The following PPCS variants were observed in gnomAD, a reference collection of about 807,000 sequenced individuals.
PPCS encodes the protein phosphopantothenate--cysteine ligase.
In PPCS, 17 loss-of-function variants were observed where a neutral mutation model predicts 24.6. The ratio of observed to expected loss-of-function variants is 0.69; its 90% CI spans 0.47 to 1.04. PPCS has a LOEUF of 1.04. Ranked by LOEUF, PPCS falls within the 50% of genes least tolerant of loss-of-function variation. The probability of loss-of-function intolerance (pLI) is 0.00; values close to 1 mark genes in which losing one functional copy is unlikely to be tolerated. For synonymous variants in PPCS, 190 were observed against 168.3 expected, an observed-to-expected ratio of 1.13 and a Z score of -1.00; for missense variants, 360 against 402.8, an observed-to-expected ratio of 0.89 and a Z score of 0.91.
rs115071671 is a variant in PPCS, at chr1:42,470,405, A to G, written n.378-2717A>G. Among the ~76,000 whole-genome samples, 1,067 of 152,250 alleles carry G rather than the reference A, an allele frequency of 7.0e-3. 16 individuals are homozygous for G. Among genetic ancestry groups the G allele is most frequent in the African/African-American group, 0.024 (1,006 of 41,538 alleles). On this transcript the variant is annotated intron_variant and non_coding_transcript_variant, in intron 2 of 2. Coordinates refer to the PPCS transcript ENST00000471420. ...CAGCTGCAGTAGAAGACAGTAGGAC[A>G]GTTCCTCAAAAAAAAAGTTAAACAT...
Position 42,456,707 on chromosome 1 carries a change from C to T in PPCS, c.142C>T (p.Pro48Ser), listed in dbSNP as rs759613941. The T allele has an allele frequency of 6.2e-7, 1 of 1,608,486 alleles. No individual in the cohort carries two copies. The highest frequency in any genetic ancestry group is 8.5e-7 in the Non-Finnish European group (1 of 1,179,194). ...VLVTSGGTKV[P>S]LEARPVRFLD... ...GGTTACGTCAGGCGGCACCAAGGTCCCACTGGAAGCGCGGCCGGTGCGCTT... is the reference window on the plus strand; with the variant it reads ...GGTTACGTCAGGCGGCACCAAGGTCTCACTGGAAGCGCGGCCGGTGCGCTT... Residue 48 changes from proline to serine, a missense_variant, in exon 1 of 3, where the codon CCA becomes TCA. Pro to Ser is a moderately conservative substitution (Grantham distance 74). Coordinates refer to ENST00000372561, the MANE Select transcript of PPCS (RefSeq NM_024664.4).
chr1:42,466,454 G>T (rs1328697528), intron 2 of PPCS, among the ~76,000 whole-genome samples: 1 of 152,136 alleles, frequency 6.6e-6, no homozygotes, highest in Non-Finnish European at 1.5e-5. Flanking sequence ...CCTACTTCAG[G>T]ATGCACTTCT....
rs1209697821 is a variant in PPCS, at chr1:42,459,878, G to A, written c.888G>A (p.Val296=). The A allele has an allele frequency of 6.2e-7, 1 of 1,613,682 alleles. No homozygotes were observed. The highest frequency in any genetic ancestry group is 8.5e-7 in the Non-Finnish European group (1 of 1,179,770). The stretch of plus-strand genomic sequence containing the variant: ...GCGTAGAGATAGAAGAGAAGATAGT[G>A]GATAATCTTCAGTCTCGACACACAG... The part of the protein sequence containing the change: ...EKGVEIEEKI[V]DNLQSRHTAF... The change falls in exon 3 of 3, where the codon GTG becomes GTA. Residue 296 remains valine (V), a synonymous_variant. Coordinates refer to ENST00000372561, the MANE Select transcript of PPCS (RefSeq NM_024664.4).
In PPCS at chr1:42,456,624, C is replaced by T. The variant is rs1449956683; in HGVS notation, c.59C>T (p.Ala20Val). 2 of 1,577,446 alleles carry T rather than the reference C, an allele frequency of 1.3e-6. No homozygotes were observed. The highest frequency in any genetic ancestry group is 1.7e-6 in the Non-Finnish European group (2 of 1,163,956). The change falls in exon 1 of 3, where the codon GCT (alanine) becomes GTT (valine). Residue 20 changes from alanine to valine, a missense_variant. This residue lies in a region of PPCS where 244 missense variants were observed against 234.7 expected (regional missense o/e 1.04). Coordinates refer to ENST00000372561, the MANE Select transcript of PPCS (RefSeq NM_024664.4). Reference protein sequence around the residue: ...FPQPPGAARWAEVMARFAARL... With the variant: ...FPQPPGAARWVEVMARFAARL... ...CAGCCTCCCGGTGCTGCGCGCTGGG[C>T]TGAGGTTATGGCTCGCTTCGCGGCC...
chr1:42,466,505 C>T (rs1400201544), intron 2 of PPCS, among the ~76,000 whole-genome samples: 2 of 151,714 alleles, frequency 1.3e-5, no homozygotes, highest in African/African-American at 2.4e-5. Flanking sequence ...TGAGCATTTA[C>T]TTAGTATCTA....
chr1:42,457,130 C>T lies in PPCS; in HGVS notation c.508+57C>T. On this transcript the variant is annotated intron_variant, in intron 1 of 2. Coordinates refer to ENST00000372561, the MANE Select transcript of PPCS (RefSeq NM_024664.4). ...GAAGCACAGCCTTTCTTTCCAGCCA[C>T]TTATCCCCTTACCTCCTGCTTACCC... 5 of 1,581,426 alleles carry T rather than the reference C, an allele frequency of 3.2e-6. No individual in the cohort carries two copies. The South Asian group carries it at 4.7e-5, about 15-fold the overall frequency.
exon 3 of PPCS, chr1:42,473,289 G>C: frequency 8.1e-7 from 1 of 1,230,858 alleles, no homozygotes; most frequent in Admixed American, 4.2e-5. Flanking sequence ...GAAGCACATG[G>C]GTGAAACAAA....
chr1:42,461,850 G>A (rs560400489), downstream of PPCS, among the ~76,000 whole-genome samples: 1 of 152,224 alleles, frequency 6.6e-6, no homozygotes, highest in East Asian at 1.9e-4. Flanking sequence ...CAGCCACCCA[G>A]GCTCCTTTGA....
chr1:42,463,610 T>G (rs1238649129), downstream of PPCS: 1 of 152,202 alleles, frequency 6.6e-6, no homozygotes, highest in Non-Finnish European at 1.5e-5. Flanking sequence ...GCATTTAGTA[T>G]TAGGCTGCCG....
At chr1:42,457,119 C>T (rs1372387895) in intron 1 of PPCS, 46 bp downstream of exon 1, 1 of 1,575,966 alleles carries the variant, frequency 6.3e-7, no homozygotes, top group Non-Finnish European at 8.6e-7. Flanking sequence ...CACAGCCTTT[C>T]TTTCCAGCCA....
chr1:42,462,257 G>A, downstream of PPCS, among the ~76,000 whole-genome samples: 1 of 152,046 alleles, frequency 6.6e-6, no homozygotes, highest in Non-Finnish European at 1.5e-5. Flanking sequence ...AATAGCAAAT[G>A]GAAGTGTATA....
rs1162713799 is a variant in PPCS at position 42,456,961 on chromosome 1, G to A, written c.396G>A (p.Leu132=). ...ENALPGFAEA[L]RSYQEAAAAG... is the part of the protein sequence containing the mutation. ...CACTTCCGGGTTTTGCTGAGGCTCT[G>A]AGGAGCTACCAGGAGGCTGCGGCTG... Residue 132 remains leucine (L), a synonymous_variant, in exon 1 of 3, where the codon CTG becomes CTA. Transcript: ENST00000372561. 3 of 1,604,648 alleles carry A rather than the reference G, an allele frequency of 1.9e-6. No individual in the cohort carries two copies. In the East Asian group the frequency reaches 6.7e-5, roughly 36 times the overall value.
chr1:42,459,686 G>A lies in PPCS; in HGVS notation c.696G>A (p.Leu232=), dbSNP rs756199633. 22 of 1,614,094 alleles carry A rather than the reference G, an allele frequency of 1.4e-5. No homozygotes were observed. Among genetic ancestry groups the A allele is most frequent in the Non-Finnish European group, 1.9e-5 (22 of 1,180,022 alleles). The change falls in exon 3 of 3, where the codon TTG becomes TTA. Residue 232 remains leucine (L), a synonymous_variant. Coordinates refer to ENST00000372561, the MANE Select transcript of PPCS (RefSeq NM_024664.4). ...APKAFIISFK[L]ETDPAIVINR... ...AAGCATTTATAATTTCCTTTAAGTT[G>A]GAGACTGACCCCGCCATTGTAATTA... is the stretch of plus-strand genomic sequence containing the variant.
downstream of PPCS, among the ~76,000 whole-genome samples, chr1:42,462,558 G>GA (rs1643440019): frequency 6.6e-6 from 1 of 152,186 alleles, no homozygotes; most frequent in African/African-American, 2.4e-5. Context: ...GTAAGACCAA[G>GA]AAATGTTGTG....
At chr1:42,466,193 G>T (rs1307198477), downstream of PPCS, among the ~76,000 whole-genome samples, 1 of 152,188 alleles carries the variant, frequency 6.6e-6, no homozygotes, top group Non-Finnish European at 1.5e-5. Context: ...TTGTGGCTGT[G>T]CTATGTACTT....
chr1:42,465,291 A>G (rs1228557520), downstream of PPCS, among the ~76,000 whole-genome samples: 1 of 152,200 alleles, frequency 6.6e-6, no homozygotes, highest in Non-Finnish European at 1.5e-5. Flanking sequence ...AACCTGGGCT[A>G]CAGAGTGAGA....
downstream of PPCS, among the ~76,000 whole-genome samples, chr1:42,465,358 T>TTTTTGTTTTG (rs201302325): frequency 6.6e-6 from 1 of 150,384 alleles, no homozygotes; most frequent in Non-Finnish European, 1.5e-5. Context: ...TTTGTTTTTG[T>TTTTTGTTTTG]TTTTGTTTTG....
At chr1:42,462,125 CAG>C (rs1489945318), downstream of PPCS, among the ~76,000 whole-genome samples, 1 of 141,948 alleles carries the variant, frequency 7.0e-6, no homozygotes. Context: ...TAAAAACAAT[CAG>C]TGTTCTACAT....
upstream of PPCS, chr1:42,456,489 G>C (rs1643183908): frequency 3.6e-6 from 5 of 1,389,530 alleles, no homozygotes; most frequent in Non-Finnish European, 4.7e-6. Context: ...ACGGCGCGGC[G>C]CGTACACCAG....
Sources: gnomAD v4.1 joint callset for allele counts (sites outside exome capture counted in the v4.1 genomes callset) on GRCh38, gnomAD v4.1.1 for gene constraint, gnomAD v4.1.1 regional missense constraint, MANE v1.5 for transcripts, NCBI Gene and HGNC (gene_info 2026-07-23, HGNC 2026-07-21) for gene names.